MTRF1: variants seen among roughly 807,000 people sequenced by gnomAD.
MTRF1 encodes mitochondrial translation release factor 1.
Under a neutral mutation model 62.9 loss-of-function variants are expected in MTRF1, and 51 were observed. That is an observed-to-expected ratio of 0.81 (90% CI 0.65 to 1.02). The LOEUF is 1.02. Ranked by LOEUF, MTRF1 falls within the 50% of genes least tolerant of loss-of-function variation. The pLI, the probability that MTRF1 is intolerant of heterozygous loss-of-function variation, is 0.00. For synonymous variants in MTRF1, 158 were observed against 181.9 expected, an observed-to-expected ratio of 0.87 and a Z score of 1.06; for missense variants, 446 against 530.0, an observed-to-expected ratio of 0.84 and a Z score of 1.56.
At chr13:41,267,517 T>C (rs1186415267), upstream of MTRF1, among the ~76,000 whole-genome samples, 5 of 152,314 alleles carry the variant, frequency 3.3e-5, no homozygotes, top group East Asian at 9.6e-4. Context: ...CTCTCAGCTA[T>C]TGATTGTCTT....
At position 41,252,650 on chromosome 13, in the gene MTRF1, T is replaced by C. The variant is rs756519569; in HGVS notation, c.692A>G (p.Asp231Gly). The C allele has an allele frequency of 6.2e-7, 1 of 1,608,798 alleles. No individual in the cohort carries two copies. The highest frequency in any genetic ancestry group is 8.5e-7 in the Non-Finnish European group (1 of 1,175,626). Reference sequence around the variant, plus strand: ...AAATTCCTCAATATGCCTACCATAATCTGCTGGTGTATAATTCAGAAGTTC... The same window carrying C: ...AAATTCCTCAATATGCCTACCATAACCTGCTGGTGTATAATTCAGAAGTTC... ...QFELLNYTPADYGGLHHAAAR... is the reference protein window; with the variant it reads ...QFELLNYTPAGYGGLHHAAAR... Residue 231 changes from aspartate to glycine, a missense_variant, in exon 5 of 10, where the codon GAT (aspartate) becomes GGT (glycine). Physicochemically the swap from Asp to Gly is moderately conservative, Grantham distance 94. Coordinates refer to ENST00000379480, the MANE Select transcript of MTRF1 (RefSeq NM_004294.4).
chr13:41,258,574 AC>A (rs1239324388), intron 2 of MTRF1, among the ~76,000 whole-genome samples: 1,608 of 85,212 alleles, frequency 0.019, 40 homozygotes, highest in African/African-American at 0.068. Flanking sequence ...AAAAAAAAAA[AC>A]AAAAAAAAAA....
intron 2 of MTRF1, among the ~76,000 whole-genome samples, chr13:41,259,689 G>A (rs1418696107): frequency 1.1e-3 from 25 of 23,502 alleles, no homozygotes; most frequent in African/African-American, 2.9e-3. Context: ...GCGACAGAGC[G>A]AGACTCCGTC....
chr13:41,224,874 C>T (rs1174099950), intron 8 of MTRF1, among the ~76,000 whole-genome samples: 2 of 152,176 alleles, frequency 1.3e-5, no homozygotes, highest in East Asian at 3.8e-4. Flanking sequence ...GAAGAAGACA[C>T]ATGAACAATT....
the MTRF1 span, among the ~76,000 whole-genome samples, chr13:41,282,720 G>C: frequency 6.6e-6 from 1 of 152,212 alleles, no homozygotes; most frequent in South Asian, 2.1e-4. Context: ...AATCTCAAGA[G>C]AGCATATGGG....
intron 2 of MTRF1, 108 bp from the exon 3 acceptor site, chr13:41,254,728 G>A: frequency 1.4e-6 from 1 of 721,256 alleles, no homozygotes; most frequent in Non-Finnish European, 2.3e-6. Flanking sequence ...AGTTGCAAAG[G>A]CAAGGGATTA....
intron 6 of MTRF1, chr13:41,236,519 T>C (rs1357075413): frequency 2.0e-5 from 3 of 152,254 alleles, no homozygotes; most frequent in Non-Finnish European, 4.4e-5. Flanking sequence ...CTTTGAAAAG[T>C]AACTAGTAAC....
upstream of MTRF1, among the ~76,000 whole-genome samples, chr13:41,264,104 A>G (rs372190090): frequency 2.6e-5 from 4 of 151,968 alleles, no homozygotes; most frequent in Admixed American, 1.3e-4. Flanking sequence ...AAAAATAAAG[A>G]CTCCTTTTAC....
intron 2 of MTRF1, among the ~76,000 whole-genome samples, chr13:41,258,713 G>C (rs2040042729): frequency 6.6e-6 from 1 of 152,030 alleles, no homozygotes; most frequent in Admixed American, 6.6e-5. Context: ...TGTGCCCTTA[G>C]ATTAGGCAAT....
the MTRF1 span, among the ~76,000 whole-genome samples, chr13:41,300,146 C>T: frequency 6.6e-6 from 1 of 152,144 alleles, no homozygotes; most frequent in Non-Finnish European, 1.5e-5. Context: ...AAATGTCAAC[C>T]TTAAGAATGA....
At chr13:41,223,432 G>T in intron 8 of MTRF1, 78 bp from the exon 9 acceptor site, 1 of 1,134,300 alleles carries the variant, frequency 8.8e-7, no homozygotes, top group South Asian at 1.3e-5. Flanking sequence ...CTTGGCAAAT[G>T]ACCATTTCAA....
chr13:41,270,182 T>C, the MTRF1 span, among the ~76,000 whole-genome samples: 1 of 152,238 alleles, frequency 6.6e-6, no homozygotes, highest in African/African-American at 2.4e-5. Context: ...AGGATAATTA[T>C]GAAATTTCTT....
At chr13:41,225,970 GAAAAAT>G (rs147565156) in intron 8 of MTRF1, among the ~76,000 whole-genome samples, 3,043 of 152,026 alleles carry the variant, frequency 0.02, 110 homozygotes, top group African/African-American at 0.069. Flanking sequence ...GGTACATAAT[GAAAAAT>G]AAATTTCCTT....
At chr13:41,305,986 T>C in the MTRF1 span, among the ~76,000 whole-genome samples, 9 of 152,244 alleles carry the variant, frequency 5.9e-5, 1 homozygote, top group African/African-American at 1.9e-4. Flanking sequence ...AGAGAGAACA[T>C]GCAAACTGGG....
intron 5 of MTRF1, among the ~76,000 whole-genome samples, chr13:41,243,351 G>A (rs576022230): frequency 1.3e-5 from 2 of 148,946 alleles, no homozygotes; most frequent in East Asian, 4.0e-4. Context: ...GCTGCAGCGA[G>A]CTGTGATGGT....
chr13:41,242,322 T>TGACATGCCCCATTTGTATGG (rs565161326), intron 5 of MTRF1, among the ~76,000 whole-genome samples: 259 of 152,330 alleles, frequency 1.7e-3, no homozygotes, highest in African/African-American at 5.3e-3. Context: ...TGAATTCTTC[T>TGACATGCCCCATTTGTATGG]GACATGCCCC....
chr13:41,267,320 GT>G, upstream of MTRF1, among the ~76,000 whole-genome samples: 1 of 152,162 alleles, frequency 6.6e-6, no homozygotes, highest in Middle Eastern at 3.4e-3. Context: ...GGTTTAAATT[GT>G]TTTTGGCAAA....
the MTRF1 span, among the ~76,000 whole-genome samples, chr13:41,289,404 A>G: frequency 1.3e-5 from 2 of 151,780 alleles, no homozygotes; most frequent in East Asian, 3.9e-4. Flanking sequence ...TGCCTGGCTA[A>G]TTTTTGTATT....
chr13:41,249,034 AT>A (rs1165874071), intron 5 of MTRF1, among the ~76,000 whole-genome samples: 1 of 152,182 alleles, frequency 6.6e-6, no homozygotes, highest in Non-Finnish European at 1.5e-5. Flanking sequence ...TAATGTATGA[AT>A]TTGTACATGA....
Sources: gnomAD v4.1 joint callset for allele counts (sites outside exome capture counted in the v4.1 genomes callset) on GRCh38, gnomAD v4.1.1 for gene constraint, MANE v1.5 for transcripts, NCBI Gene and HGNC (gene_info 2026-07-23, HGNC 2026-07-21) for gene names.